Variants in FAM110D observed in about 807,000 individuals in gnomAD.
The protein encoded by FAM110D is protein FAM110D.
For missense variants in FAM110D, 376 were observed against 395.6 expected (o/e 0.95, Z 0.42); for synonymous variants, 174 against 189.4 (o/e 0.92, Z 0.67).
Position 26,161,249 on chromosome 1 carries a change from G to C in FAM110D, c.-43G>C. The C allele has an allele frequency of 6.8e-7, 1 of 1,478,440 alleles. No individual in the cohort carries two copies. The highest frequency in any genetic ancestry group is 9.0e-7 in the Non-Finnish European group (1 of 1,110,534). The allele number at this position is 1,478,440 out of a possible 1,614,324, so 91.6% of individuals were successfully genotyped here. On this transcript the variant is annotated 5_prime_UTR_variant, in exon 2 of 2. Transcript: ENST00000374268. This position sits in a 1 kb window ranked among gnomAD's most constrained non-coding sequence, Gnocchi z 5.4. The stretch of plus-strand genomic sequence containing the variant: ...CCAAGCCAATTGCTCTAGGCCCCGT[G>C]GCTGGCTACTTATGGGGCACTGTCC...
At chr1:26,160,170 T>A (rs565155296) in intron 1 of FAM110D, among the ~76,000 whole-genome samples, 1 of 151,614 alleles carries the variant, frequency 6.6e-6, no homozygotes, top group Admixed American at 6.6e-5. Context: ...CTCGGCTCAC[T>A]GCAACCTCCG....
chr1:26,163,650 T>G lies in FAM110D; in HGVS notation c.*1543T>G, dbSNP rs1032274208. 6.6e-6 allele frequency: 1 copy of G among 151,924 alleles called. No homozygotes were observed. The highest frequency in any genetic ancestry group is 2.4e-5 in the African/African-American group (1 of 41,326). The allele number at this position is 151,924 out of a possible 1,614,324, so 9.4% of individuals were successfully genotyped here. ...TGAGCCACCGCGCCCGGCCCCCTTCTTCCTTCTCGGAGATAACGTATATTC... is the reference window on the plus strand; with the variant it reads ...TGAGCCACCGCGCCCGGCCCCCTTCGTCCTTCTCGGAGATAACGTATATTC... On this transcript the variant is annotated 3_prime_UTR_variant, in exon 2 of 2. Transcript: ENST00000374268.
chr1:26,161,614 T>C lies in FAM110D; in HGVS notation c.323T>C (p.Val108Ala), dbSNP rs1284144031. 1 of 1,550,764 alleles carries C rather than the reference T, an allele frequency of 6.4e-7. No homozygotes were observed. The highest frequency in any genetic ancestry group is 8.7e-7 in the Non-Finnish European group (1 of 1,147,220). ...NKENAKGQGL[V>A]RRLFLGAPRD... ...GAGAACGCCAAGGGCCAGGGTCTGG[T>C]GCGGCGCCTCTTTCTGGGTGCCCCG... Residue 108 changes from valine (V) to alanine (A), a missense_variant, in exon 2 of 2, where the codon GTG (valine) becomes GCG (alanine). Physicochemically the swap from Val to Ala is moderately conservative, Grantham distance 64. Transcript: ENST00000374268. This position sits in a 1 kb window ranked among gnomAD's most constrained non-coding sequence, Gnocchi z 5.4.
At position 26,161,085 on chromosome 1, in the gene FAM110D, C is replaced by G. The variant is rs2088362059; in HGVS notation, c.-80-127C>G. On this transcript the variant is annotated intron_variant, in intron 1 of 1. Coordinates refer to ENST00000374268, the MANE Select transcript of FAM110D (RefSeq NM_024869.3). This position sits in a 1 kb window ranked among gnomAD's most constrained non-coding sequence, Gnocchi z 5.4. Reference sequence around the variant, plus strand: ...AAAGGGGATGGCCTGAGCCTCTGCTCCCTGGATGTGGCACCGGCTAACCTG... The same window carrying G: ...AAAGGGGATGGCCTGAGCCTCTGCTGCCTGGATGTGGCACCGGCTAACCTG... The G allele has an allele frequency of 1.8e-6, 1 of 550,370 alleles. No homozygotes were observed. The highest frequency in any genetic ancestry group is 3.2e-6 in the Non-Finnish European group (1 of 313,132). The allele number at this position is 550,370 out of a possible 1,614,324, so 34.1% of individuals were successfully genotyped here.
In FAM110D at chr1:26,161,753, G is replaced by A. The variant is rs910971620; in HGVS notation, c.462G>A (p.Thr154=). The change falls in exon 2 of 2, where the codon ACG becomes ACA. Residue 154 remains threonine (T), a synonymous_variant. Coordinates refer to ENST00000374268, the MANE Select transcript of FAM110D (RefSeq NM_024869.3). This position sits in a 1 kb window ranked among gnomAD's most constrained non-coding sequence, Gnocchi z 5.4. ...CGGGAAAGCGGGCGCTGTGTCCCACGTGCTCGCTGCCCCTGTCGGAGAAGG... is the reference window on the plus strand; with the variant it reads ...CGGGAAAGCGGGCGCTGTGTCCCACATGCTCGCTGCCCCTGTCGGAGAAGG... ...EAAGKRALCP[T]CSLPLSEKER... 9 of 1,549,002 alleles carry A rather than the reference G, an allele frequency of 5.8e-6. No individual in the cohort carries two copies. In the Admixed American group the frequency reaches 5.9e-5, roughly 10 times the overall value.
Position 26,161,522 on chromosome 1 carries a change from G to C in FAM110D, c.231G>C (p.Arg77=). ...PRPVRRGSGR[R]LPRPDSLIFY... is the part of the protein sequence containing the mutation. ...CGGTCCGCCGGGGAAGCGGCAGGCG[G>C]CTGCCGAGGCCTGATTCCCTCATCT... The change falls in exon 2 of 2, where the codon CGG becomes CGC. Residue 77 remains arginine (R), a synonymous_variant. Transcript: ENST00000374268. This position sits in a 1 kb window ranked among gnomAD's most constrained non-coding sequence, Gnocchi z 5.4. 1 of 1,550,842 alleles carries C rather than the reference G, an allele frequency of 6.4e-7. No homozygotes were observed. Among genetic ancestry groups the C allele is most frequent in the Non-Finnish European group, 8.7e-7 (1 of 1,147,188 alleles).
At position 26,163,022 on chromosome 1, in the gene FAM110D, C is replaced by CG. The variant is rs2088385262; in HGVS notation, c.*918dup. ...GCGCGCGCCTGTAATCCCAGCTACTCGGGAGGCTGAGGCAGGAGAATCGCT... is the reference window on the plus strand; with the variant it reads ...GCGCGCGCCTGTAATCCCAGCTACTCGGGGAGGCTGAGGCAGGAGAATCGCT... On this transcript the variant is annotated 3_prime_UTR_variant, in exon 2 of 2. Coordinates refer to ENST00000374268, the MANE Select transcript of FAM110D (RefSeq NM_024869.3). 1 of 151,902 alleles carries CG rather than the reference C, an allele frequency of 6.6e-6. No individual in the cohort carries two copies. The highest frequency in any genetic ancestry group is 2.4e-5 in the African/African-American group (1 of 41,326). The allele number at this position is 151,902 out of a possible 1,614,324, so 9.4% of individuals were successfully genotyped here.
Position 26,162,001 on chromosome 1 carries a change from G to C in FAM110D, c.710G>C (p.Arg237Pro). ...GGGSEAAGSA[R>P]DRRPPVSVVE... The stretch of plus-strand genomic sequence containing the variant: ...GGCTCGGAGGCAGCGGGCTCGGCGC[G>C]GGACCGGCGCCCCCCGGTGTCGGTG... Residue 237 changes from arginine to proline, a missense_variant, in exon 2 of 2, where the codon CGG becomes CCG. Coordinates refer to ENST00000374268, the MANE Select transcript of FAM110D (RefSeq NM_024869.3). The surrounding 1 kb of genome is among the most constrained non-coding windows in gnomAD (Gnocchi z 5.3). The C allele has an allele frequency of 8.1e-7, 1 of 1,235,790 alleles. No individual in the cohort carries two copies. The highest frequency in any genetic ancestry group is 1.0e-6 in the Non-Finnish European group (1 of 993,256). 76.6% of individuals were successfully genotyped at this position (1,235,790 alleles called of 1,614,324 possible).
Position 26,162,046 on chromosome 1 carries a change from T to C in FAM110D, c.755T>C (p.Val252Ala), listed in dbSNP as rs1391678695. 4 of 1,253,774 alleles carry C rather than the reference T, an allele frequency of 3.2e-6. No individual in the cohort carries two copies. The highest frequency in any genetic ancestry group is 4.0e-6 in the Non-Finnish European group (4 of 1,002,382). 77.7% of individuals were successfully genotyped at this position (1,253,774 alleles called of 1,614,324 possible). ...TCGGTGGTGGAGCGCAACGCGCGCGTCATCCAGTGGCTGTACGGCTGCCAG... is the reference window on the plus strand; with the variant it reads ...TCGGTGGTGGAGCGCAACGCGCGCGCCATCCAGTGGCTGTACGGCTGCCAG... ...PVSVVERNAR[V>A]IQWLYGCQRA... The change falls in exon 2 of 2, where the codon GTC becomes GCC. Residue 252 changes from valine (V) to alanine (A), a missense_variant. Physicochemically the swap from Val to Ala is moderately conservative, Grantham distance 64. Transcript: ENST00000374268. This position sits in a 1 kb window ranked among gnomAD's most constrained non-coding sequence, Gnocchi z 5.3.
rs3748857 is a variant in FAM110D at position 26,161,528 on chromosome 1, G to A, written c.237G>A (p.Pro79=). 216,970 of 1,550,572 alleles carry A rather than the reference G, an allele frequency of 0.14. 25,824 individuals carry two copies. The highest frequency in any genetic ancestry group is 0.61 in the East Asian group (25,017 of 40,910). Residue 79 remains proline, a synonymous_variant, in exon 2 of 2, where the codon CCG becomes CCA. Coordinates refer to ENST00000374268, the MANE Select transcript of FAM110D (RefSeq NM_024869.3). The surrounding 1 kb of genome is among the most constrained non-coding windows in gnomAD (Gnocchi z 5.4). ...GCCGGGGAAGCGGCAGGCGGCTGCC[G>A]AGGCCTGATTCCCTCATCTTCTACC... ...PVRRGSGRRL[P]RPDSLIFYRQ...
In FAM110D at chr1:26,162,570, A is replaced by C. The variant is rs1013083630; in HGVS notation, c.*463A>C. On this transcript the variant is annotated 3_prime_UTR_variant, in exon 2 of 2. Coordinates refer to ENST00000374268, the MANE Select transcript of FAM110D (RefSeq NM_024869.3). This position sits in a 1 kb window ranked among gnomAD's most constrained non-coding sequence, Gnocchi z 5.3. ...GTATTTCAAAATAGTTGTAATGCGC[A>C]TGGCAAAGTGCCCAGCATATAGAAA... 5.9e-6 allele frequency: 1 copy of C among 168,680 alleles called. No homozygotes were observed. Among genetic ancestry groups the C allele is most frequent in the Non-Finnish European group, 1.4e-5 (1 of 69,282 alleles). 10.4% of individuals were successfully genotyped at this position (168,680 alleles called of 1,614,324 possible).
Position 26,161,942 on chromosome 1 carries a change from C to T in FAM110D, c.651C>T (p.Gly217=). The T allele has an allele frequency of 7.7e-7, 1 of 1,299,866 alleles. No individual in the cohort carries two copies. Among genetic ancestry groups the T allele is most frequent in the Non-Finnish European group, 9.7e-7 (1 of 1,030,220 alleles). The allele number at this position is 1,299,866 out of a possible 1,614,324, so 80.5% of individuals were successfully genotyped here. Residue 217 remains glycine, a synonymous_variant, in exon 2 of 2, where the codon GGC becomes GGT. Coordinates refer to ENST00000374268, the MANE Select transcript of FAM110D (RefSeq NM_024869.3). This position sits in a 1 kb window ranked among gnomAD's most constrained non-coding sequence, Gnocchi z 5.4. The part of the protein sequence containing the change: ...DASDWTSSDR[G]VDSPGGAGGG... Reference sequence around the variant, plus strand: ...GCGACTGGACATCCAGCGACAGGGGCGTGGACAGCCCGGGCGGCGCGGGCG... The same window carrying T: ...GCGACTGGACATCCAGCGACAGGGGTGTGGACAGCCCGGGCGGCGCGGGCG...
Position 26,161,562 on chromosome 1 carries a change from C to A in FAM110D, c.271C>A (p.Arg91=), listed in dbSNP as rs956166063. Residue 91 remains arginine (R), a synonymous_variant, in exon 2 of 2, where the codon CGG becomes AGG. Coordinates refer to ENST00000374268, the MANE Select transcript of FAM110D (RefSeq NM_024869.3). The surrounding 1 kb of genome is among the most constrained non-coding windows in gnomAD (Gnocchi z 5.4). ...PDSLIFYRQK[R]DCKASVNKEN... ...TTCCCTCATCTTCTACCGCCAGAAG[C>A]GGGACTGCAAGGCTTCGGTGAACAA... The A allele has an allele frequency of 1.9e-6, 3 of 1,550,408 alleles. No individual in the cohort carries two copies. Among genetic ancestry groups the A allele is most frequent in the African/African-American group, 1.4e-5 (1 of 73,188 alleles).
Position 26,161,720 on chromosome 1 carries a change from G to C in FAM110D, c.429G>C (p.Pro143=), listed in dbSNP as rs553888360. 28 of 1,548,808 alleles carry C rather than the reference G, an allele frequency of 1.8e-5. No individual in the cohort carries two copies. In the South Asian group the frequency reaches 3.1e-4, roughly 17 times the overall value. ...SGGWAAPQDA[P]EAAGKRALCP... ...GTTGGGCTGCGCCCCAGGATGCCCC[G>C]GAAGCGGCGGGAAAGCGGGCGCTGT... Residue 143 remains proline (P), a synonymous_variant, in exon 2 of 2, where the codon CCG becomes CCC. Transcript: ENST00000374268. This position sits in a 1 kb window ranked among gnomAD's most constrained non-coding sequence, Gnocchi z 5.4.
Position 26,163,905 on chromosome 1 carries a change from C to T in FAM110D, c.*1798C>T. ...GGCTGGAGAGGGCGATGGACGCAGT[C>T]CTCTGGAGCTCTCCAACTTCCTGGA... On this transcript the variant is annotated 3_prime_UTR_variant, in exon 2 of 2. Coordinates refer to ENST00000374268, the MANE Select transcript of FAM110D (RefSeq NM_024869.3). 2.7e-6 allele frequency: 1 copy of T among 364,456 alleles called. No homozygotes were observed. The highest frequency in any genetic ancestry group is 4.6e-5 in the Admixed American group (1 of 21,544). The allele number at this position is 364,456 out of a possible 1,614,324, so 22.6% of individuals were successfully genotyped here.
chr1:26,160,154 C>G (rs999124550), intron 1 of FAM110D, among the ~76,000 whole-genome samples: 1 of 148,254 alleles, frequency 6.7e-6, no homozygotes, highest in Non-Finnish European at 1.5e-5. Flanking sequence ...TGCAGTGGTG[C>G]GCGATCTCGG....
chr1:26,162,093 G>A lies in FAM110D; in HGVS notation c.802G>A (p.Glu268Lys). The change falls in exon 2 of 2, where the codon GAG (glutamate) becomes AAG (lysine). Residue 268 changes from glutamate (E) to lysine (K), a missense_variant. Physicochemically the swap from Glu to Lys is moderately conservative, Grantham distance 56. Coordinates refer to ENST00000374268, the MANE Select transcript of FAM110D (RefSeq NM_024869.3). The surrounding 1 kb of genome is among the most constrained non-coding windows in gnomAD (Gnocchi z 5.3). ...GCQRARGPPR[E>K]SEV ...CCAGCGCGCCCGCGGACCGCCGCGCGAGTCCGAGGTGTGACCGCCGCGGCT... is the reference window on the plus strand; with the variant it reads ...CCAGCGCGCCCGCGGACCGCCGCGCAAGTCCGAGGTGTGACCGCCGCGGCT... 8 of 1,268,758 alleles carry A rather than the reference G, an allele frequency of 6.3e-6. No homozygotes were observed. Among genetic ancestry groups the A allele is most frequent in the Non-Finnish European group, 7.9e-6 (8 of 1,008,164 alleles). The allele number at this position is 1,268,758 out of a possible 1,614,324, so 78.6% of individuals were successfully genotyped here. A position where few individuals can be genotyped will look rare whatever the true frequency, so the allele number is the denominator to read the frequency against.
rs757510682 is a variant in FAM110D, at chr1:26,161,492, C to G, written c.201C>G (p.Pro67=). 4 of 1,553,762 alleles carry G rather than the reference C, an allele frequency of 2.6e-6. No homozygotes were observed. The Admixed American group carries it at 7.8e-5, about 30-fold the overall frequency. ...ELGPPASPRT[P]RPVRRGSGRR... is the part of the protein sequence containing the mutation. The stretch of plus-strand genomic sequence containing the variant: ...GGCCCCCTGCATCGCCCAGGACGCC[C>G]AGGCCGGTCCGCCGGGGAAGCGGCA... Residue 67 remains proline, a synonymous_variant, in exon 2 of 2, where the codon CCC becomes CCG. Coordinates refer to ENST00000374268, the MANE Select transcript of FAM110D (RefSeq NM_024869.3). The surrounding 1 kb of genome is among the most constrained non-coding windows in gnomAD (Gnocchi z 5.4).
Position 26,161,525 on chromosome 1 carries a change from G to A in FAM110D, c.234G>A (p.Leu78=), listed in dbSNP as rs2088367115. The A allele has an allele frequency of 6.4e-7, 1 of 1,550,760 alleles. No homozygotes were observed. The highest frequency in any genetic ancestry group is 1.2e-5 in the South Asian group (1 of 84,142). ...RPVRRGSGRR[L]PRPDSLIFYR... Reference sequence around the variant, plus strand: ...TCCGCCGGGGAAGCGGCAGGCGGCTGCCGAGGCCTGATTCCCTCATCTTCT... The same window carrying A: ...TCCGCCGGGGAAGCGGCAGGCGGCTACCGAGGCCTGATTCCCTCATCTTCT... Residue 78 remains leucine, a synonymous_variant, in exon 2 of 2, where the codon CTG becomes CTA. Transcript: ENST00000374268. The surrounding 1 kb of genome is among the most constrained non-coding windows in gnomAD (Gnocchi z 5.4).
Sources: allele counts gnomAD v4.1 joint callset (sites outside exome capture counted in the v4.1 genomes callset), GRCh38; gene constraint gnomAD v4.1.1; non-coding constraint Gnocchi (gnomAD v3.1); transcripts MANE v1.5; gene names NCBI Gene and HGNC (gene_info 2026-07-23, HGNC 2026-07-21).